The following PLB1 variants were observed in gnomAD, a reference collection of about 807,000 sequenced individuals.
The protein encoded by PLB1 is phospholipase B1, membrane-associated.
Under a neutral mutation model 227.4 loss-of-function variants are expected in PLB1, and 242 were observed. The ratio of observed to expected loss-of-function variants is 1.06; its 90% CI spans 0.96 to 1.18. The LOEUF (loss-of-function observed/expected upper bound fraction) is 1.18, where lower values mean the gene tolerates loss of function less well. Ranked by LOEUF, PLB1 falls within the 50% of genes most tolerant of loss-of-function variation. The pLI is 0.00. For synonymous variants in PLB1, 757 were observed against 682.2 expected (o/e 1.11, Z -1.71); for missense variants, 1,858 against 1,816.3 (o/e 1.02, Z -0.42).
chr2:28,599,767 C>T (rs1683569578), intron 35 of PLB1, among the ~76,000 whole-genome samples: 1 of 152,152 alleles, frequency 6.6e-6, no homozygotes, highest in South Asian at 2.1e-4. Flanking sequence ...AGGCTTCTAC[C>T]ATCACGCCCA....
intron 1 of PLB1, among the ~76,000 whole-genome samples, chr2:28,500,174 C>T (rs1001948287): frequency 6.6e-5 from 10 of 152,218 alleles, no homozygotes; most frequent in Admixed American, 3.9e-4. Flanking sequence ...AGAGACCACA[C>T]GTTGCATTTA....
rs768620590 is a variant in PLB1, at chr2:28,582,084, A to T, written c.1583A>T (p.Gln528Leu). 5.0e-6 allele frequency: 8 copies of T among 1,613,884 alleles called. No individual in the cohort carries two copies. The South Asian group carries it at 8.8e-5, about 18-fold the overall frequency. The change falls in exon 24 of 58, where the codon CAG (glutamine) becomes CTG (leucine). Residue 528 changes from glutamine (Q) to leucine (L), a missense_variant. Transcript: ENST00000327757. ...TTCCTGCAGGTCCACTATTCTCCCCAGAACTTCACAGACAACATTGGAAAG... is the reference window on the plus strand; with the variant it reads ...TTCCTGCAGGTCCACTATTCTCCCCTGAACTTCACAGACAACATTGGAAAG... Reference protein sequence around the residue: ...FCNDLVHYSPQNFTDNIGKAL... With the variant: ...FCNDLVHYSPLNFTDNIGKAL...
intron 20 of PLB1, among the ~76,000 whole-genome samples, chr2:28,571,826 A>C (rs545384784): frequency 6.6e-6 from 1 of 152,306 alleles, no homozygotes; most frequent in Admixed American, 6.5e-5. Context: ...TAAGAGCTAA[A>C]ACTAACTCTA....
intron 1 of PLB1, among the ~76,000 whole-genome samples, chr2:28,512,352 A>G (rs897149143): frequency 6.6e-6 from 1 of 152,006 alleles, no homozygotes; most frequent in Non-Finnish European, 1.5e-5. Flanking sequence ...ATTTGTTGTC[A>G]TTGTCTTCAT....
At chr2:28,567,168 A>G (rs916899912) in intron 20 of PLB1, among the ~76,000 whole-genome samples, 3 of 152,158 alleles carry the variant, frequency 2.0e-5, no homozygotes, top group African/African-American at 7.2e-5. Flanking sequence ...TGATTCAATA[A>G]TCTGGCATGA....
chr2:28,629,071 A>C (rs754530808), intron 52 of PLB1, 23 bp from the exon 53 acceptor site: 6 of 1,608,122 alleles, frequency 3.7e-6, no homozygotes, highest in Non-Finnish European at 5.1e-6. Flanking sequence ...TGCCCTAACG[A>C]AACCACCCTC....
At chr2:28,521,438 C>T (rs1669521934) in intron 4 of PLB1, among the ~76,000 whole-genome samples, 1 of 152,094 alleles carries the variant, frequency 6.6e-6, no homozygotes, top group South Asian at 2.1e-4. Flanking sequence ...CTCACCAATG[C>T]CTGTTTTCTG....
chr2:28,620,767 C>T, intron 48 of PLB1, 112 bp from the exon 49 acceptor site: 3 of 1,514,164 alleles, frequency 2.0e-6, no homozygotes, highest in Admixed American at 3.4e-5. Context: ...CCTGAAAAGC[C>T]CCAGAACTCC....
At chr2:28,619,482 G>A (rs1686686249) in intron 46 of PLB1, among the ~76,000 whole-genome samples, 1 of 146,188 alleles carries the variant, frequency 6.8e-6, no homozygotes, top group South Asian at 2.1e-4. Context: ...TTAAATATTT[G>A]TATCATTTCA....
At chr2:28,564,513 A>G (rs1306492875) in intron 18 of PLB1, among the ~76,000 whole-genome samples, 1 of 152,206 alleles carries the variant, frequency 6.6e-6, no homozygotes, top group East Asian at 1.9e-4. Context: ...GCGGGGCCTG[A>G]CATCACCTGC....
chr2:28,639,357 G>T (rs1306798394), intron 56 of PLB1, among the ~76,000 whole-genome samples: 1 of 151,838 alleles, frequency 6.6e-6, no homozygotes, highest in African/African-American at 2.4e-5. Context: ...ATGATCTTTG[G>T]CTCTGCCCAT....
intron 23 of PLB1, among the ~76,000 whole-genome samples, chr2:28,581,720 C>T (rs1680045778): frequency 6.6e-6 from 1 of 151,898 alleles, no homozygotes. Flanking sequence ...GTAATCCCAG[C>T]ACTTTGGGAG....
At chr2:28,566,987 C>A in intron 20 of PLB1, 148 bp downstream of exon 20, 1 of 866,306 alleles carries the variant, frequency 1.2e-6, no homozygotes, top group South Asian at 1.5e-5. Context: ...CCGAGACTGC[C>A]GCCCAGCTCC....
rs549019841 is a variant in PLB1 at position 28,602,405 on chromosome 2, C to T, written c.2674-416C>T. ...TGGCAAGGACAAGCTGCCCTGGCTG[C>T]GTGAGACAGGGCACTCTGACCACCA... On this transcript the variant is annotated intron_variant, in intron 38 of 57. Coordinates refer to ENST00000327757, the MANE Select transcript of PLB1 (RefSeq NM_153021.5). Among the ~76,000 whole-genome samples the T allele has an allele frequency of 1.2e-4, 18 of 152,350 alleles. No homozygotes were observed. The South Asian group carries it at 3.3e-3, about 28-fold the overall frequency.
At chr2:28,572,405 C>T (rs2148254221) in intron 20 of PLB1, among the ~76,000 whole-genome samples, 1 of 152,268 alleles carries the variant, frequency 6.6e-6, no homozygotes, top group East Asian at 1.9e-4. Context: ...CTTTTCCACT[C>T]TTAGATACAT....
At chr2:28,626,149 C>T (rs1687742057) in intron 50 of PLB1, among the ~76,000 whole-genome samples, 1 of 152,030 alleles carries the variant, frequency 6.6e-6, no homozygotes, top group African/African-American at 2.4e-5. Context: ...GCACCTGCCA[C>T]CAGGCCAGGC....
intron 20 of PLB1, among the ~76,000 whole-genome samples, 171 bp from the exon 21 acceptor site, chr2:28,573,026 G>A (rs13005799): frequency 0.58 from 87,843 of 151,832 alleles, 28,985 homozygotes; most frequent in Non-Finnish European, 0.76. Flanking sequence ...CTGCCCTGTC[G>A]TTAAGCGCCA....
chr2:28,642,101 C>A (rs530587528), intron 57 of PLB1, among the ~76,000 whole-genome samples: 1 of 152,194 alleles, frequency 6.6e-6, no homozygotes, highest in African/African-American at 2.4e-5. Context: ...CTTTACTAAG[C>A]GATGGTTTCA....
chr2:28,622,637 C>T (rs1687195959), intron 49 of PLB1, among the ~76,000 whole-genome samples: 1 of 152,140 alleles, frequency 6.6e-6, no homozygotes, highest in Non-Finnish European at 1.5e-5. Flanking sequence ...ACCTGTAATC[C>T]CAGCACATTG....
Sources: gnomAD v4.1 joint callset for allele counts (sites outside exome capture counted in the v4.1 genomes callset) on GRCh38, gnomAD v4.1.1 for gene constraint, MANE v1.5 for transcripts, NCBI Gene and HGNC (gene_info 2026-07-23, HGNC 2026-07-21) for gene names.